STRADB: variants seen among roughly 807,000 people sequenced by gnomAD.
STRADB encodes STE20 related adaptor beta.
A neutral mutation model predicts 52.1 loss-of-function variants in STRADB; 34 were observed. The ratio of observed to expected loss-of-function variants is 0.65; its 90% CI spans 0.50 to 0.87. The LOEUF (loss-of-function observed/expected upper bound fraction) is 0.87. Ranked by LOEUF, STRADB falls within the 40% of genes least tolerant of loss-of-function variation. The pLI is 0.00. For synonymous variants in STRADB, 133 were observed against 174.5 expected (o/e 0.76, Z 1.87); for missense variants, 340 against 483.9 (o/e 0.70, Z 2.79).
rs1021067685 is a variant in STRADB, at chr2:201,480,784, T to C, written c.*609T>C. The C allele has an allele frequency of 3.0e-6, 3 of 985,718 alleles. No individual in the cohort carries two copies. The highest frequency in any genetic ancestry group is 1.1e-4 in the East Asian group (1 of 8,834). 61.1% of individuals were successfully genotyped at this position (985,718 alleles called of 1,614,324 possible). Reference sequence around the variant, plus strand: ...GGCTAAAGTAACACTTTCCTACTTATGTAAATTATAGATCCTAAATTCACG... The same window carrying C: ...GGCTAAAGTAACACTTTCCTACTTACGTAAATTATAGATCCTAAATTCACG... On this transcript the variant is annotated 3_prime_UTR_variant, in exon 12 of 12. Coordinates refer to ENST00000194530, the MANE Select transcript of STRADB (RefSeq NM_018571.6).
At chr2:201,478,296 T>C in intron 9 of STRADB, 61 bp from the exon 10 acceptor site, 1 of 1,601,082 alleles carries the variant, frequency 6.2e-7, no homozygotes. Flanking sequence ...GGAGCTTTAT[T>C]GTTGTTACTG....
Position 201,480,259 on chromosome 2 carries a change from G to T in STRADB, c.*84G>T. On this transcript the variant is annotated 3_prime_UTR_variant, in exon 12 of 12. Transcript: ENST00000194530. Reference sequence around the variant, plus strand: ...TCTGTATTTCTAGGTACAAATACCAGAATTATACTTGAAAATACAGTTGGT... The same window carrying T: ...TCTGTATTTCTAGGTACAAATACCATAATTATACTTGAAAATACAGTTGGT... 2 of 1,570,128 alleles carry T rather than the reference G, an allele frequency of 1.3e-6. No individual in the cohort carries two copies. Among genetic ancestry groups the T allele is most frequent in the Non-Finnish European group, 1.7e-6 (2 of 1,159,920 alleles).
At chr2:201,461,463 T>C (rs1952215220) in intron 3 of STRADB, among the ~76,000 whole-genome samples, 1 of 152,234 alleles carries the variant, frequency 6.6e-6, no homozygotes, top group Non-Finnish European at 1.5e-5. Context: ...TGAGCCAATG[T>C]GCCCAGAACT....
At chr2:201,476,449 A>G (rs1156405005) in intron 7 of STRADB, among the ~76,000 whole-genome samples, 1 of 151,614 alleles carries the variant, frequency 6.6e-6, no homozygotes, top group Non-Finnish European at 1.5e-5. Context: ...ATATGTCACC[A>G]GATGATTGGC....
intron 3 of STRADB, among the ~76,000 whole-genome samples, chr2:201,461,710 G>C (rs1380256018): frequency 7.0e-6 from 1 of 142,628 alleles, no homozygotes; most frequent in Non-Finnish European, 1.6e-5. Context: ...GTCCATTTTT[G>C]CTTGATTGCC....
rs1415860951 is a variant in STRADB, at chr2:201,477,602, G to T, written c.549-17G>T. 2 of 1,584,318 alleles carry T rather than the reference G, an allele frequency of 1.3e-6. No homozygotes were observed. The highest frequency in any genetic ancestry group is 1.1e-5 in the South Asian group (1 of 89,330). On this transcript the variant is annotated splice_polypyrimidine_tract_variant and intron_variant, in intron 7 of 11. Coordinates refer to ENST00000194530, the MANE Select transcript of STRADB (RefSeq NM_018571.6). Reference sequence around the variant, plus strand: ...GGCCAGTTTCCTGTTACTTAGCATTGTTTCTTTTTGTTCTAGGAGTATTAA... The same window carrying T: ...GGCCAGTTTCCTGTTACTTAGCATTTTTTCTTTTTGTTCTAGGAGTATTAA...
At chr2:201,474,576 C>T (rs572020360) in intron 5 of STRADB, 71 bp from the exon 6 acceptor site, 76 of 1,342,304 alleles carry the variant, frequency 5.7e-5, no homozygotes, top group East Asian at 3.3e-4. Context: ...TTAGCTGCCA[C>T]GACCGCCATT....
intron 3 of STRADB, among the ~76,000 whole-genome samples, chr2:201,468,139 C>G (rs558211547): frequency 1.5e-4 from 16 of 105,722 alleles, no homozygotes; most frequent in Non-Finnish European, 2.1e-4. Context: ...AATGCATGAT[C>G]CATACTTTTT....
Position 201,451,815 on chromosome 2 carries a change from C to A in STRADB, c.-219C>A. On this transcript the variant is annotated 5_prime_UTR_variant, in exon 1 of 12. Coordinates refer to ENST00000194530, the MANE Select transcript of STRADB (RefSeq NM_018571.6). ...CGGTCGCGGCCTCGCCGCCCTCCCGCGCCCCGCGCCGGGAGCGGGCCTAGA... is the reference window on the plus strand; with the variant it reads ...CGGTCGCGGCCTCGCCGCCCTCCCGAGCCCCGCGCCGGGAGCGGGCCTAGA... 6.6e-6 allele frequency: 1 copy of A among 152,248 alleles called. No homozygotes were observed. Among genetic ancestry groups the A allele is most frequent in the Non-Finnish European group, 1.5e-5 (1 of 68,064 alleles). 9.4% of individuals were successfully genotyped at this position (152,248 alleles called of 1,614,324 possible). A position where few individuals can be genotyped will look rare whatever the true frequency, so the allele number is the denominator to read the frequency against.
rs1460987584 is a variant in STRADB at position 201,480,348 on chromosome 2, G to T, written c.*173G>T. On this transcript the variant is annotated 3_prime_UTR_variant, in exon 12 of 12. Transcript: ENST00000194530. ...AGGGGCACCAGTTTGTAGTCCCTCT[G>T]TTTCGCACAGAGTACTATGACAAGG... 1 of 1,447,082 alleles carries T rather than the reference G, an allele frequency of 6.9e-7. No homozygotes were observed. Among genetic ancestry groups the T allele is most frequent in the African/African-American group, 1.4e-5 (1 of 69,978 alleles). 89.6% of individuals were successfully genotyped at this position (1,447,082 alleles called of 1,614,324 possible). A position where few individuals can be genotyped will look rare whatever the true frequency, so the allele number is the denominator to read the frequency against.
intron 3 of STRADB, among the ~76,000 whole-genome samples, chr2:201,462,139 T>C (rs1032191014): frequency 6.6e-6 from 1 of 152,198 alleles, no homozygotes; most frequent in Non-Finnish European, 1.5e-5. Flanking sequence ...TTCTTTTTGC[T>C]TAGGATTATA....
chr2:201,470,091 G>C lies in STRADB; in HGVS notation c.193+39G>C, dbSNP rs562606549. On this transcript the variant is annotated intron_variant, in intron 4 of 11. Transcript: ENST00000194530. ...ATTTCTAATTGACCCTTCAGTGCTA[G>C]AAATTAAATTGATGACAAAAAGATT... is the stretch of plus-strand genomic sequence containing the variant. The C allele has an allele frequency of 2.8e-6, 4 of 1,450,582 alleles. No individual in the cohort carries two copies. The African/African-American group carries it at 5.6e-5, about 20-fold the overall frequency. 89.9% of individuals were successfully genotyped at this position (1,450,582 alleles called of 1,614,324 possible).
chr2:201,479,290 G>T, intron 10 of STRADB, 199 bp from the exon 11 acceptor site: 3 of 551,368 alleles, frequency 5.4e-6, no homozygotes, highest in Non-Finnish European at 9.6e-6. Flanking sequence ...GTTGAGTATG[G>T]ATTAATTGAA....
intron 10 of STRADB, chr2:201,479,217 T>C: frequency 2.9e-6 from 1 of 345,416 alleles, no homozygotes; most frequent in Non-Finnish European, 5.2e-6. Context: ...CTCTAAGTAG[T>C]ATAAAATGTA....
chr2:201,475,490 G>A, intron 6 of STRADB, 129 bp from the exon 7 acceptor site: 1 of 1,009,354 alleles, frequency 9.9e-7, no homozygotes, highest in Non-Finnish European at 1.5e-6. Flanking sequence ...GTGTGGGAAA[G>A]TGTTGTTTGG....
chr2:201,468,363 A>G (rs941109702), intron 3 of STRADB, among the ~76,000 whole-genome samples: 1 of 152,074 alleles, frequency 6.6e-6, no homozygotes, highest in South Asian at 2.1e-4. Context: ...TAATTCACCT[A>G]TTGAATAATT....
intron 1 of STRADB, among the ~76,000 whole-genome samples, chr2:201,453,413 G>A (rs1209797266): frequency 6.6e-6 from 1 of 152,030 alleles, no homozygotes; most frequent in Non-Finnish European, 1.5e-5. Context: ...TGTCTGCCCT[G>A]ATTACCAGCG....
chr2:201,461,746 A>G (rs1487159608), intron 3 of STRADB, among the ~76,000 whole-genome samples: 2 of 152,046 alleles, frequency 1.3e-5, no homozygotes, highest in Non-Finnish European at 1.5e-5. Flanking sequence ...TAACTCAATT[A>G]ATCTTTGCCC....
intron 3 of STRADB, among the ~76,000 whole-genome samples, chr2:201,461,464 G>C (rs1952215285): frequency 6.6e-6 from 1 of 152,108 alleles, no homozygotes; most frequent in Admixed American, 6.5e-5. Context: ...GAGCCAATGT[G>C]CCCAGAACTG....
Sources: allele counts gnomAD v4.1 joint callset (sites outside exome capture counted in the v4.1 genomes callset), GRCh38; gene constraint gnomAD v4.1.1; transcripts MANE v1.5; gene names NCBI Gene and HGNC (gene_info 2026-07-23, HGNC 2026-07-21).